The following SLMAP variants were observed in gnomAD, a reference collection of about 807,000 sequenced individuals.
The protein encoded by SLMAP is sarcolemmal membrane-associated protein.
SLMAP carries 44 observed loss-of-function variants against 128.8 expected under a neutral mutation model. That is an observed-to-expected ratio of 0.34 (90% CI 0.27 to 0.44). SLMAP has a LOEUF of 0.44. Among genes scored for constraint, SLMAP ranks in the 20% least tolerant of loss-of-function variants. The pLI is 1.00. For missense variants in SLMAP, 787 were observed against 985.3 expected (o/e 0.80, Z 2.69); for synonymous variants, 327 against 348.8 (o/e 0.94, Z 0.70).
intron 17 of SLMAP, chr3:57,897,458 A>C (rs1441516657): frequency 6.6e-6 from 1 of 152,570 alleles, no homozygotes; most frequent in Non-Finnish European, 1.5e-5. Flanking sequence ...GCACTTTGGG[A>C]GGCTGAGGCA....
intron 3 of SLMAP, among the ~76,000 whole-genome samples, chr3:57,838,352 G>T (rs1220346036): frequency 6.6e-6 from 1 of 152,130 alleles, no homozygotes; most frequent in Non-Finnish European, 1.5e-5. Flanking sequence ...AAAGCTAGGT[G>T]GTTCCTACAA....
At position 57,912,477 on chromosome 3, in the gene SLMAP, A is replaced by G. The variant is rs987002035; in HGVS notation, c.1796A>G (p.Asp599Gly). Residue 599 changes from aspartate (D) to glycine (G), a missense_variant, in exon 20 of 25, where the codon GAT (aspartate) becomes GGT (glycine). This residue lies in a region of SLMAP where 715 missense variants were observed against 843.6 expected (regional missense o/e 0.85). Transcript: ENST00000671191. The stretch of plus-strand genomic sequence containing the variant: ...AGAGATGAATTGCTTAGTGCCCGAG[A>G]TGAAATTTTGCTCCTTCATCAAGCA... ...STRDELLSAR[D>G]EILLLHQAAA... 1.2e-6 allele frequency: 2 copies of G among 1,614,070 alleles called. No homozygotes were observed. Among genetic ancestry groups the G allele is most frequent in the South Asian group, 1.1e-5 (1 of 91,088 alleles).
intron 2 of SLMAP, among the ~76,000 whole-genome samples, chr3:57,780,278 C>T (rs2082761520): frequency 6.6e-6 from 1 of 151,978 alleles, no homozygotes; most frequent in Non-Finnish European, 1.5e-5. Context: ...TCCCGAGTAG[C>T]TGGAACTACA....
At chr3:57,864,896 TA>T (rs1361475011) in intron 12 of SLMAP, 39 bp downstream of exon 12, 2 of 1,493,442 alleles carry the variant, frequency 1.3e-6, no homozygotes, top group Non-Finnish European at 1.8e-6. Flanking sequence ...ACCTGAATTT[TA>T]TCCTTAAACT....
chr3:57,813,063 G>GATA (rs1039908767), intron 2 of SLMAP, among the ~76,000 whole-genome samples: 1 of 149,500 alleles, frequency 6.7e-6, no homozygotes, highest in Non-Finnish European at 1.5e-5. Flanking sequence ...TCTATAAACG[G>GATA]ATAATTTTAT....
intron 2 of SLMAP, among the ~76,000 whole-genome samples, chr3:57,792,384 C>T (rs952287073): frequency 1.3e-5 from 2 of 151,548 alleles, no homozygotes; most frequent in Non-Finnish European, 2.9e-5. Flanking sequence ...TGTGACAGCA[C>T]ATAATTAATG....
At chr3:57,812,597 C>CA (rs2091181101) in intron 2 of SLMAP, among the ~76,000 whole-genome samples, 1 of 151,858 alleles carries the variant, frequency 6.6e-6, no homozygotes. Context: ...TCTAATTTTG[C>CA]AAAAAACATC....
Position 57,757,298 on chromosome 3 carries a change from C to T in SLMAP, c.-354C>T. Reference sequence around the variant, plus strand: ...CAAACACAAGAATTGGCGTGTGACTCATCTGCTTGGATACCTCCAGTCCCC... The same window carrying T: ...CAAACACAAGAATTGGCGTGTGACTTATCTGCTTGGATACCTCCAGTCCCC... On this transcript the variant is annotated 5_prime_UTR_variant, in exon 2 of 25. Transcript: ENST00000671191. 2.9e-6 allele frequency: 1 copy of T among 350,062 alleles called. No individual in the cohort carries two copies. The highest frequency in any genetic ancestry group is 2.7e-5 in the South Asian group (1 of 37,304). 21.7% of individuals were successfully genotyped at this position (350,062 alleles called of 1,614,324 possible).
chr3:57,850,006 A>G lies in SLMAP; in HGVS notation c.519+190A>G, dbSNP rs974815600. Among the ~76,000 whole-genome samples the G allele has an allele frequency of 6.6e-5, 10 of 152,066 alleles. No individual in the cohort carries two copies. The East Asian group carries it at 1.9e-3, about 29-fold the overall frequency. On this transcript the variant is annotated intron_variant, in intron 6 of 24. Coordinates refer to ENST00000671191, the MANE Select transcript of SLMAP (RefSeq NM_001377540.1). Reference sequence around the variant, plus strand: ...CTGGGCAATAAAGTGAGACCCCTTTAATTTAAAAAAATTTTTTTAATTAAC... The same window carrying G: ...CTGGGCAATAAAGTGAGACCCCTTTGATTTAAAAAAATTTTTTTAATTAAC...
intron 22 of SLMAP, among the ~76,000 whole-genome samples, chr3:57,921,569 T>C (rs901551475): frequency 6.6e-6 from 1 of 152,056 alleles, no homozygotes; most frequent in African/African-American, 2.4e-5. Flanking sequence ...GAGGTTTCAG[T>C]GAGCTGAGAT....
chr3:57,845,655 C>G (rs1026768844), intron 4 of SLMAP, among the ~76,000 whole-genome samples: 1 of 152,070 alleles, frequency 6.6e-6, no homozygotes, highest in South Asian at 2.1e-4. Flanking sequence ...GTACTCACCC[C>G]CAACATAAAC....
intron 2 of SLMAP, among the ~76,000 whole-genome samples, chr3:57,817,485 T>C (rs1288347908): frequency 6.6e-6 from 1 of 152,230 alleles, no homozygotes; most frequent in Non-Finnish European, 1.5e-5. Context: ...GTAATATTTA[T>C]TTAAAATATT....
At position 57,858,072 on chromosome 3, in the gene SLMAP, A is replaced by G; in HGVS notation, c.616-16A>G. 6.7e-7 allele frequency: 1 copy of G among 1,487,438 alleles called. No individual in the cohort carries two copies. The highest frequency in any genetic ancestry group is 9.4e-7 in the Non-Finnish European group (1 of 1,068,108). The allele number at this position is 1,487,438 out of a possible 1,614,324, so 92.1% of individuals were successfully genotyped here. ...AATTACTCGGGTTTTACTTACATTT[A>G]ATTTTTCTTCAATAGGCTTTAATAG... is the stretch of plus-strand genomic sequence containing the variant. On this transcript the variant is annotated splice_polypyrimidine_tract_variant and intron_variant, in intron 7 of 24. Transcript: ENST00000671191.
chr3:57,862,399 G>A (rs2095118449), intron 10 of SLMAP, among the ~76,000 whole-genome samples: 1 of 152,002 alleles, frequency 6.6e-6, no homozygotes, highest in Admixed American at 6.6e-5. Flanking sequence ...CAGCACTTTG[G>A]GAGGCCGAGG....
chr3:57,887,390 C>T (rs2095922083), intron 14 of SLMAP, among the ~76,000 whole-genome samples: 1 of 151,958 alleles, frequency 6.6e-6, no homozygotes, highest in Non-Finnish European at 1.5e-5. Flanking sequence ...CCACCACATC[C>T]AGCTAATTTT....
At chr3:57,806,909 T>C (rs901932984) in intron 2 of SLMAP, among the ~76,000 whole-genome samples, 1 of 152,222 alleles carries the variant, frequency 6.6e-6, no homozygotes, top group Admixed American at 6.5e-5. Context: ...TTAAATGGTA[T>C]TTTTGGTTAT....
intron 17 of SLMAP, chr3:57,898,982 C>T (rs754761442): frequency 2.6e-5 from 4 of 152,068 alleles, no homozygotes; most frequent in Non-Finnish European, 5.9e-5. Flanking sequence ...ATGTTAACCA[C>T]CATAATGAAG....
In SLMAP at chr3:57,896,580, A is replaced by T; in HGVS notation, c.1430A>T (p.Asp477Val). The T allele has an allele frequency of 6.2e-7, 1 of 1,609,402 alleles. No individual in the cohort carries two copies. Among genetic ancestry groups the T allele is most frequent in the Non-Finnish European group, 8.5e-7 (1 of 1,177,684 alleles). Residue 477 changes from aspartate (D) to valine (V), a missense_variant, in exon 16 of 25, where the codon GAC (aspartate) becomes GTC (valine). Transcript: ENST00000671191. ...AGTCCAAGCAAGGAAAAAAGCAGTG[A>T]CGACACTACAGGTGAGTTTTAACCT... Reference protein sequence around the residue: ...TLSPSKEKSSDDTTDAQMDEQ... With the variant: ...TLSPSKEKSSVDTTDAQMDEQ...
At chr3:57,917,110 G>T in intron 22 of SLMAP, 33 bp downstream of exon 22, 1 of 1,612,522 alleles carries the variant, frequency 6.2e-7, no homozygotes, top group South Asian at 1.1e-5. Flanking sequence ...GCCCAATTAT[G>T]GTTGGACTTA....
Sources: gnomAD v4.1 joint callset for allele counts (sites outside exome capture counted in the v4.1 genomes callset) on GRCh38, gnomAD v4.1.1 for gene constraint, gnomAD v4.1.1 regional missense constraint, MANE v1.5 for transcripts, NCBI Gene and HGNC (gene_info 2026-07-23, HGNC 2026-07-21) for gene names.